GLIPR1: variants seen among roughly 807,000 people sequenced by gnomAD.
GLIPR1 encodes the protein GLI pathogenesis related 1.
A neutral mutation model predicts 30.3 loss-of-function variants in GLIPR1; 38 were observed. The ratio of observed to expected loss-of-function variants is 1.26; its 90% confidence interval spans 0.97 to 1.65. The LOEUF is 1.65. GLIPR1 is among the 40% of genes most tolerant of loss of function. The pLI, the probability that GLIPR1 is intolerant of heterozygous loss-of-function variation, is 0.00. For missense variants in GLIPR1, 285 were observed against 326.5 expected (o/e 0.87, Z 0.98); for synonymous variants, 122 against 110.6 (o/e 1.10, Z -0.65).
intron 2 of GLIPR1, among the ~76,000 whole-genome samples, chr12:75,485,679 T>C (rs970165707): frequency 6.6e-6 from 1 of 150,586 alleles, no homozygotes; most frequent in African/African-American, 2.4e-5. Context: ...GCCTCCCAAG[T>C]AGCTGGGACT....
chr12:75,482,001 C>A lies in GLIPR1; in HGVS notation c.342C>A (p.Ile114=), dbSNP rs764255439. 7 of 1,613,954 alleles carry A rather than the reference C, an allele frequency of 4.3e-6. No homozygotes were observed. The highest frequency in any genetic ancestry group is 1.3e-5 in the African/African-American group (1 of 74,910). The change falls in exon 2 of 6, where the codon ATC becomes ATA. Residue 114 remains isoleucine, a synonymous_variant. Transcript: ENST00000266659. Reference sequence around the variant, plus strand: ...CCATTTTTTCTGTGTCTTCCGCCATCACAAACTGGTATGACGAAATCCAGG... The same window carrying A: ...CCATTTTTTCTGTGTCTTCCGCCATAACAAACTGGTATGACGAAATCCAGG... ...SVPIFSVSSA[I]TNWYDEIQDY...
intron 2 of GLIPR1, among the ~76,000 whole-genome samples, chr12:75,488,843 A>G (rs959057104): frequency 1.3e-5 from 2 of 152,112 alleles, no homozygotes; most frequent in Admixed American, 1.3e-4. Flanking sequence ...TCCACTGCCT[A>G]TTCACAGTGG....
intron 2 of GLIPR1, among the ~76,000 whole-genome samples, chr12:75,482,361 A>C (rs756888087): frequency 6.6e-6 from 1 of 152,218 alleles, no homozygotes; most frequent in Non-Finnish European, 1.5e-5. Flanking sequence ...TGAGAAATCA[A>C]AGAACCTTAT....
chr12:75,490,335 T>C, intron 2 of GLIPR1, 71 bp from the exon 3 acceptor site: 1 of 850,912 alleles, frequency 1.2e-6, no homozygotes, highest in Non-Finnish European at 2.0e-6. Context: ...TCACCATGTT[T>C]ATGAAGACCT....
At chr12:75,482,109 C>T (rs1252364617) in intron 2 of GLIPR1, 30 bp downstream of exon 2, 5 of 1,595,100 alleles carry the variant, frequency 3.1e-6, no homozygotes, top group African/African-American at 1.3e-5. Flanking sequence ...TATCTTGAAA[C>T]TGTCTTTTCA....
At chr12:75,482,536 C>T (rs1263470767) in intron 2 of GLIPR1, among the ~76,000 whole-genome samples, 1 of 152,062 alleles carries the variant, frequency 6.6e-6, no homozygotes, top group Non-Finnish European at 1.5e-5. Context: ...CGACTGAAAA[C>T]CTACTGTGTG....
Position 75,498,677 on chromosome 12 carries a change from T to TC in GLIPR1, c.620-12dup, listed in dbSNP as rs1566101316. 2 of 1,607,340 alleles carry TC rather than the reference T, an allele frequency of 1.2e-6. No homozygotes were observed. Among genetic ancestry groups the TC allele is most frequent in the Admixed American group, 1.7e-5 (1 of 59,890 alleles). On this transcript the variant is annotated splice_polypyrimidine_tract_variant and intron_variant, in intron 4 of 5. Transcript: ENST00000266659. ...TACCCTTTTAATTTTTTTTCTTTCT[T>TC]CCCCCTAACTTTACAGTTAACCGAC...
Position 75,481,073 on chromosome 12 carries a change from A to G in GLIPR1, c.174+19A>G. 3 of 1,585,120 alleles carry G rather than the reference A, an allele frequency of 1.9e-6. No individual in the cohort carries two copies. The highest frequency in any genetic ancestry group is 2.6e-6 in the Non-Finnish European group (3 of 1,157,850). On this transcript the variant is annotated intron_variant, in intron 1 of 5. Coordinates refer to ENST00000266659, the MANE Select transcript of GLIPR1 (RefSeq NM_006851.3). ...ATACATGGTAAGGAAAATATCATTA[A>G]TTGTGGCGTCAGTCAGTCAGAAACA... is the stretch of plus-strand genomic sequence containing the variant.
Position 75,502,514 on chromosome 12 carries a change from C to T in GLIPR1, c.*3536C>T, listed in dbSNP as rs1304300581. The stretch of plus-strand genomic sequence containing the variant: ...AGCAACAGCTTGTTCATTCAATATA[C>T]AGCCAACATGTAAAATGTGTATAAC... On this transcript the variant is annotated 3_prime_UTR_variant, in exon 6 of 6. Coordinates refer to ENST00000266659, the MANE Select transcript of GLIPR1 (RefSeq NM_006851.3). 1 of 153,474 alleles carries T rather than the reference C, an allele frequency of 6.5e-6. No homozygotes were observed. Among genetic ancestry groups the T allele is most frequent in the African/African-American group, 2.4e-5 (1 of 41,404 alleles). The allele number at this position is 153,474 out of a possible 1,614,324, so 9.5% of individuals were successfully genotyped here. A position where few individuals can be genotyped will look rare whatever the true frequency, so the allele number is the denominator to read the frequency against.
chr12:75,490,419 A>AT lies in GLIPR1; in HGVS notation c.435dup (p.Ser146Ter). On this transcript the variant is annotated frameshift_variant, in exon 3 of 6. Transcript: ENST00000266659. LOFTEE classifies it high-confidence loss of function. Reference sequence around the variant, plus strand: ...ATTTCCTTTCAGGTTGTTTGGGCAGATAGTTACAAAGTTGGCTGCGCAGTT... The same window carrying AT: ...ATTTCCTTTCAGGTTGTTTGGGCAGATTAGTTACAAAGTTGGCTGCGCAGTT... The AT allele has an allele frequency of 6.3e-7, 1 of 1,587,318 alleles. No homozygotes were observed. Among genetic ancestry groups the AT allele is most frequent in the Non-Finnish European group, 8.6e-7 (1 of 1,156,120 alleles).
chr12:75,497,053 C>G (rs978142270), intron 4 of GLIPR1: 2 of 152,156 alleles, frequency 1.3e-5, no homozygotes, highest in Non-Finnish European at 1.5e-5. Flanking sequence ...ATATTTCTTC[C>G]TTCCAAATTA....
At chr12:75,485,311 A>C (rs1328576053) in intron 2 of GLIPR1, among the ~76,000 whole-genome samples, 1 of 152,206 alleles carries the variant, frequency 6.6e-6, no homozygotes, top group East Asian at 1.9e-4. Context: ...ACTGGCATTG[A>C]GAAAAAATGT....
rs2046272587 is a variant in GLIPR1, at chr12:75,481,877, G to A, written c.218G>A (p.Ser73Asn). 2 of 1,614,102 alleles carry A rather than the reference G, an allele frequency of 1.2e-6. No individual in the cohort carries two copies. Among genetic ancestry groups the A allele is most frequent in the Non-Finnish European group, 1.7e-6 (2 of 1,179,962 alleles). The change falls in exon 2 of 6, where the codon AGC becomes AAC. Residue 73 changes from serine (S) to asparagine (N), a missense_variant. Coordinates refer to ENST00000266659, the MANE Select transcript of GLIPR1 (RefSeq NM_006851.3). ...GCCCAAATTGCAAAAGCATGGGCCA[G>A]CAATTGCCAGTTTTCACATAATACA... Reference protein sequence around the residue: ...ALAQIAKAWASNCQFSHNTRL... With the variant: ...ALAQIAKAWANNCQFSHNTRL...
chr12:75,495,783 T>C (rs920934094), intron 4 of GLIPR1, 121 bp downstream of exon 4: 30 of 605,440 alleles, frequency 5.0e-5, no homozygotes, highest in Non-Finnish European at 7.9e-5. Context: ...TGGCATCAAG[T>C]AGCAATTAAA....
chr12:75,491,732 A>C (rs1360984767), intron 3 of GLIPR1: 1 of 152,080 alleles, frequency 6.6e-6, no homozygotes, highest in Non-Finnish European at 1.5e-5. Flanking sequence ...TTGTCTATTT[A>C]TATTCCTTTT....
intron 2 of GLIPR1, chr12:75,487,839 TAAGA>T (rs1459124496): frequency 2.2e-6 from 1 of 455,500 alleles, no homozygotes. Context: ...GCAAGTTTAT[TAAGA>T]AAGAAAAGAA....
chr12:75,488,245 G>T (rs1025965801), intron 2 of GLIPR1, among the ~76,000 whole-genome samples: 1 of 152,126 alleles, frequency 6.6e-6, no homozygotes, highest in Admixed American at 6.5e-5. Context: ...TATTCGAGAC[G>T]GAGTTGTTAG....
At chr12:75,497,920 A>C (rs2046361540) in intron 4 of GLIPR1, 1 of 152,038 alleles carries the variant, frequency 6.6e-6, no homozygotes, top group East Asian at 1.9e-4. Context: ...AGAACATCAC[A>C]CTCTTGATTT....
At chr12:75,494,705 T>A (rs1293440461) in intron 3 of GLIPR1, 1 of 152,118 alleles carries the variant, frequency 6.6e-6, no homozygotes, top group Non-Finnish European at 1.5e-5. Flanking sequence ...AAAGCAGAGT[T>A]CCAAAAAAAA....
Sources: allele counts gnomAD v4.1 joint callset (sites outside exome capture counted in the v4.1 genomes callset), GRCh38; gene constraint gnomAD v4.1.1; transcripts MANE v1.5; gene names NCBI Gene and HGNC (gene_info 2026-07-23, HGNC 2026-07-21).